NT5DC3: variants seen among roughly 807,000 people sequenced by gnomAD.
NT5DC3 encodes the protein 5'-nucleotidase domain containing 3.
Under a neutral mutation model 67.8 loss-of-function variants are expected in NT5DC3, and 42 were observed. The observed-to-expected ratio is 0.62, with a 90% CI of 0.48 to 0.80. The LOEUF (loss-of-function observed/expected upper bound fraction) is 0.80, where lower values mean the gene tolerates loss of function less well. Among genes scored for constraint, NT5DC3 ranks in the 30% least tolerant of loss-of-function variants. The pLI, the probability that NT5DC3 is intolerant of heterozygous loss-of-function variation, is 0.00. For missense variants in NT5DC3, 570 were observed against 696.4 expected (o/e 0.82, Z 2.04); for synonymous variants, 237 against 255.6 (o/e 0.93, Z 0.69).
chr12:103,755,849 G>A, the NT5DC3 span: 1 of 797,162 alleles, frequency 1.3e-6, no homozygotes, highest in Non-Finnish European at 2.0e-6. Context: ...CACCTTGCCT[G>A]AATCTAAAGC....
intron 8 of NT5DC3, 49 bp downstream of exon 8, chr12:103,793,357 ATGGG>A: frequency 5.1e-6 from 8 of 1,560,986 alleles, no homozygotes; most frequent in Non-Finnish European, 7.1e-6. Context: ...GCTAAAACAA[ATGGG>A]ATACAAGGAG....
At chr12:103,747,113 C>T in the NT5DC3 span, among the ~76,000 whole-genome samples, 1 of 151,950 alleles carries the variant, frequency 6.6e-6, no homozygotes, top group Non-Finnish European at 1.5e-5. Context: ...TGCGCCACCG[C>T]ACCTGGCTAA....
the NT5DC3 span, chr12:103,746,364 C>T: frequency 5.2e-6 from 2 of 384,866 alleles, no homozygotes; most frequent in Non-Finnish European, 9.6e-6. Context: ...CATTTTTTCT[C>T]ATATAAATCT....
At chr12:103,785,505 T>C (rs1885726642) in intron 11 of NT5DC3, 30 bp from the exon 12 acceptor site, 1 of 1,611,676 alleles carries the variant, frequency 6.2e-7, no homozygotes, top group African/African-American at 1.3e-5. Flanking sequence ...AAAGTCAACG[T>C]CAGTCTCAAC....
intron 11 of NT5DC3, 53 bp downstream of exon 11, chr12:103,787,388 G>T: frequency 1.2e-6 from 1 of 817,108 alleles, no homozygotes; most frequent in Non-Finnish European, 1.9e-6. Context: ...ACATTCTTTA[G>T]TAAGTGAGAC....
intron 13 of NT5DC3, among the ~76,000 whole-genome samples, chr12:103,778,852 T>C (rs914655102): frequency 2.0e-5 from 3 of 148,950 alleles, no homozygotes; most frequent in Non-Finnish European, 4.4e-5. Flanking sequence ...TATCCATCCA[T>C]CAAAACGACT....
chr12:103,830,082 G>A (rs1887862623), intron 1 of NT5DC3, among the ~76,000 whole-genome samples: 1 of 152,112 alleles, frequency 6.6e-6, no homozygotes, highest in South Asian at 2.1e-4. Context: ...CATTTACAAG[G>A]AACTTACTAC....
chr12:103,750,705 G>A, the NT5DC3 span: 98 of 1,613,480 alleles, frequency 6.1e-5, no homozygotes, highest in Non-Finnish European at 7.4e-5. Context: ...CAAATGTGTC[G>A]ACCTCCACTT....
At chr12:103,786,676 G>GTTCAATTT (rs1197061627) in intron 11 of NT5DC3, among the ~76,000 whole-genome samples, 1 of 104,344 alleles carries the variant, frequency 9.6e-6, no homozygotes, top group Non-Finnish European at 2.0e-5. Context: ...TTCCTCACTG[G>GTTCAATTT]TTTGATTTTT....
At position 103,806,837 on chromosome 12, in the gene NT5DC3, CAGG is replaced by C. The variant is rs772973232; in HGVS notation, c.468+15_468+17del. The stretch of plus-strand genomic sequence containing the variant: ...CAAACATCATTAAACCATAGAAAAA[CAGG>C]AGAAGTAAACCTACCCGCTGTACAT... On this transcript the variant is annotated intron_variant, in intron 3 of 13. Transcript: ENST00000392876. The C allele has an allele frequency of 2.6e-6, 4 of 1,511,636 alleles. No individual in the cohort carries two copies. The highest frequency in any genetic ancestry group is 1.1e-5 in the South Asian group (1 of 88,586). 93.6% of individuals were successfully genotyped at this position (1,511,636 alleles called of 1,614,324 possible). A position where few individuals can be genotyped will look rare whatever the true frequency, so the allele number is the denominator to read the frequency against.
intron 7 of NT5DC3, 57 bp downstream of exon 7, chr12:103,793,880 G>A (rs758669052): frequency 2.1e-5 from 30 of 1,417,282 alleles, no homozygotes; most frequent in Non-Finnish European, 2.9e-5. Context: ...ATGCCGGCAT[G>A]GTTGCAAAAG....
intron 9 of NT5DC3, among the ~76,000 whole-genome samples, chr12:103,792,007 C>T (rs1477805422): frequency 2.0e-5 from 3 of 152,214 alleles, no homozygotes; most frequent in Non-Finnish European, 4.4e-5. Context: ...GCAGCCCACT[C>T]TGTAAGTCGG....
chr12:103,771,226 C>T (rs1364231431), downstream of NT5DC3: 1 of 152,162 alleles, frequency 6.6e-6, no homozygotes, highest in Non-Finnish European at 1.5e-5. Flanking sequence ...CCAGGAGTGG[C>T]CTCCTGTGGA....
At chr12:103,816,612 G>T (rs747721951) in intron 1 of NT5DC3, among the ~76,000 whole-genome samples, 2 of 152,010 alleles carry the variant, frequency 1.3e-5, no homozygotes, top group African/African-American at 4.8e-5. Context: ...TTTTTTCTTG[G>T]AAGCCTTTCA....
At chr12:103,829,149 C>T (rs1182523112) in intron 1 of NT5DC3, among the ~76,000 whole-genome samples, 2 of 152,200 alleles carry the variant, frequency 1.3e-5, no homozygotes, top group African/African-American at 4.8e-5. Flanking sequence ...TAGTGAGAGT[C>T]ACCCATGTAG....
chr12:103,798,801 T>C (rs1255110399), intron 4 of NT5DC3, 124 bp from the exon 5 acceptor site: 3 of 655,762 alleles, frequency 4.6e-6, no homozygotes, highest in African/African-American at 3.6e-5. Flanking sequence ...CGAGGCAAAA[T>C]GTGCCACAAG....
chr12:103,777,573 C>T lies in NT5DC3; in HGVS notation c.*256G>A. The T allele has an allele frequency of 2.0e-6, 1 of 511,130 alleles. No individual in the cohort carries two copies. The highest frequency in any genetic ancestry group is 3.4e-6 in the Non-Finnish European group (1 of 290,920). 31.7% of individuals were successfully genotyped at this position (511,130 alleles called of 1,614,324 possible). On this transcript the variant is annotated 3_prime_UTR_variant, in exon 14 of 14. Transcript: ENST00000392876. ...CCCAGGAAACCTGATGTTCCAGGAC[C>T]TCAGTAAACAAAAAGGCAAAATCAG...
the NT5DC3 span, chr12:103,761,216 C>T: frequency 1.5e-6 from 2 of 1,308,374 alleles, no homozygotes; most frequent in Non-Finnish European, 2.2e-6. Context: ...GCTCAGGGGC[C>T]TTGGGAAAAT....
intron 9 of NT5DC3, among the ~76,000 whole-genome samples, chr12:103,792,271 G>T (rs1427359750): frequency 6.6e-6 from 1 of 152,164 alleles, no homozygotes; most frequent in Non-Finnish European, 1.5e-5. Context: ...CCTGCACATG[G>T]TTCTTGGTTT....
Sources: allele counts gnomAD v4.1 joint callset (sites outside exome capture counted in the v4.1 genomes callset), GRCh38; gene constraint gnomAD v4.1.1; transcripts MANE v1.5; gene names NCBI Gene and HGNC (gene_info 2026-07-23, HGNC 2026-07-21).